C3orf20: variants seen among roughly 807,000 people sequenced by gnomAD.
C3orf20 encodes the protein uncharacterized protein C3orf20.
A neutral mutation model predicts 88.3 loss-of-function variants in C3orf20; 76 were observed. The ratio of observed to expected loss-of-function variants is 0.86; its 90% CI spans 0.72 to 1.04. C3orf20 has a LOEUF of 1.04. Among genes scored for constraint, C3orf20 ranks in the 50% least tolerant of loss-of-function variants. C3orf20 has a pLI of 0.00. For synonymous variants in C3orf20, 436 were observed against 437.4 expected (o/e 1.00, Z 0.04); for missense variants, 1,056 against 1,123.3 (o/e 0.94, Z 0.86).
At position 14,772,905 on chromosome 3, in the gene C3orf20, G is replaced by A; in HGVS notation, c.*30G>A. Reference sequence around the variant, plus strand: ...ATCCTGGCAGCAGCCAAGTGAGCCAGGCCCCGGCCCGGGGTGCTGGGGCTT... The same window carrying A: ...ATCCTGGCAGCAGCCAAGTGAGCCAAGCCCCGGCCCGGGGTGCTGGGGCTT... On this transcript the variant is annotated 3_prime_UTR_variant, in exon 17 of 17. Transcript: ENST00000253697. The surrounding 1 kb of genome is among the most constrained non-coding windows in gnomAD (Gnocchi z 4.2). The A allele has an allele frequency of 6.3e-7, 1 of 1,586,046 alleles. No homozygotes were observed. Among genetic ancestry groups the A allele is most frequent in the Non-Finnish European group, 8.7e-7 (1 of 1,155,582 alleles).
chr3:14,682,547 G>T, intron 2 of C3orf20, 31 bp from the exon 3 acceptor site: 1 of 907,712 alleles, frequency 1.1e-6, no homozygotes, highest in East Asian at 2.4e-5. Context: ...TGGGGAGAGT[G>T]ACTAACTCTT....
intron 12 of C3orf20, among the ~76,000 whole-genome samples, chr3:14,739,042 C>T (rs1051629011): frequency 2.7e-5 from 4 of 150,638 alleles, no homozygotes; most frequent in South Asian, 2.1e-4. Flanking sequence ...CCACCTGCCT[C>T]GGCCTCCCAA....
chr3:14,761,693 G>T (rs571833201), intron 15 of C3orf20, 78 bp downstream of exon 15: 7 of 1,476,596 alleles, frequency 4.7e-6, no homozygotes, highest in Non-Finnish European at 5.6e-6. Context: ...GGCTGTGAAA[G>T]GGGAACTGAG....
At chr3:14,687,141 A>G (rs1172973108) in intron 4 of C3orf20, among the ~76,000 whole-genome samples, 1 of 152,224 alleles carries the variant, frequency 6.6e-6, no homozygotes, top group Non-Finnish European at 1.5e-5. Context: ...AAGCTCTTCA[A>G]TAATTTTGCA....
chr3:14,704,668 AG>A (rs2033425658), intron 7 of C3orf20, 50 bp downstream of exon 7: 1 of 1,593,642 alleles, frequency 6.3e-7, no homozygotes, highest in Non-Finnish European at 8.5e-7. Flanking sequence ...TCAACCCCAG[AG>A]AAGTCCAGGA....
At chr3:14,740,002 C>A (rs2034853458) in intron 12 of C3orf20, among the ~76,000 whole-genome samples, 1 of 152,214 alleles carries the variant, frequency 6.6e-6, no homozygotes, top group South Asian at 2.1e-4. Context: ...TTCTCCATAT[C>A]AGCAATAAGG....
At chr3:14,762,032 A>G (rs1402585356) in intron 15 of C3orf20, among the ~76,000 whole-genome samples, 1 of 152,064 alleles carries the variant, frequency 6.6e-6, no homozygotes, top group Non-Finnish European at 1.5e-5. Flanking sequence ...ACACCCTACC[A>G]CCACCTCATG....
chr3:14,679,915 G>T (rs1210762548), intron 1 of C3orf20, among the ~76,000 whole-genome samples: 2 of 152,186 alleles, frequency 1.3e-5, no homozygotes, highest in African/African-American at 2.4e-5. Context: ...CATATGAAAA[G>T]ATGCTTAGGG....
Position 14,701,537 on chromosome 3 carries a change from T to C in C3orf20, c.746-1593T>C, listed in dbSNP as rs1228796316. Among the ~76,000 whole-genome samples the C allele has an allele frequency of 6.6e-6, 1 of 152,048 alleles. No homozygotes were observed. The highest frequency in any genetic ancestry group is 1.5e-5 in the Non-Finnish European group (1 of 68,006). ...ACATCCTCATACCACCTGACACCTA[T>C]CATGGAGGACAGCTGTGAAAATTAG... is the stretch of plus-strand genomic sequence containing the variant. On this transcript the variant is annotated intron_variant, in intron 5 of 16. Transcript: ENST00000253697. The surrounding 1 kb of genome is among the most constrained non-coding windows in gnomAD (Gnocchi z 4.6).
intron 12 of C3orf20, among the ~76,000 whole-genome samples, chr3:14,731,879 T>G (rs1284359288): frequency 6.6e-6 from 1 of 152,232 alleles, no homozygotes; most frequent in Non-Finnish European, 1.5e-5. Flanking sequence ...TGGGCAAAAT[T>G]TGTTTATCCA....
Position 14,701,430 on chromosome 3 carries a change from G to T in C3orf20, c.746-1700G>T, listed in dbSNP as rs941828657. On this transcript the variant is annotated intron_variant, in intron 5 of 16. Transcript: ENST00000253697. This position sits in a 1 kb window ranked among gnomAD's most constrained non-coding sequence, Gnocchi z 4.6. ...GCTGGGTGGGAGTCAGAGGTTCATT[G>T]TAGGTAGGACCTGACACAAATGACT... Among the ~76,000 whole-genome samples the T allele has an allele frequency of 2.0e-5, 3 of 151,836 alleles. No homozygotes were observed. Among genetic ancestry groups the T allele is most frequent in the Non-Finnish European group, 4.4e-5 (3 of 67,970 alleles).
At chr3:14,735,798 T>C (rs1460246551) in intron 12 of C3orf20, among the ~76,000 whole-genome samples, 1 of 152,150 alleles carries the variant, frequency 6.6e-6, no homozygotes, top group Non-Finnish European at 1.5e-5. Flanking sequence ...TTTCACCATG[T>C]TGGCCAGGCT....
intron 13 of C3orf20, among the ~76,000 whole-genome samples, chr3:14,758,352 G>T (rs1408580658): frequency 6.6e-6 from 1 of 152,202 alleles, no homozygotes; most frequent in African/African-American, 2.4e-5. Flanking sequence ...GGTCCCAGCT[G>T]GTTATGGCTG....
At chr3:14,750,037 A>G (rs908494540) in intron 12 of C3orf20, among the ~76,000 whole-genome samples, 1 of 152,008 alleles carries the variant, frequency 6.6e-6, no homozygotes, top group Non-Finnish European at 1.5e-5. Context: ...AAATATGACA[A>G]TACTTCTTTT....
intron 1 of C3orf20, among the ~76,000 whole-genome samples, chr3:14,681,519 C>T (rs934537909): frequency 1.3e-5 from 2 of 152,166 alleles, no homozygotes; most frequent in African/African-American, 4.8e-5. Context: ...AGGAACAACT[C>T]GCTGACTCTG....
chr3:14,697,015 C>T (rs2033033704), intron 5 of C3orf20, among the ~76,000 whole-genome samples: 1 of 152,158 alleles, frequency 6.6e-6, no homozygotes, highest in Non-Finnish European at 1.5e-5. Context: ...TGGCCTGCAA[C>T]ATTTCCACTG....
At chr3:14,723,474 G>A (rs1462482802) in intron 10 of C3orf20, among the ~76,000 whole-genome samples, 1 of 152,246 alleles carries the variant, frequency 6.6e-6, no homozygotes, top group Admixed American at 6.5e-5. Context: ...AAATAAAGAA[G>A]TCTCATTCCC....
At chr3:14,770,107 C>G (rs1269996531) in intron 15 of C3orf20, among the ~76,000 whole-genome samples, 1 of 152,176 alleles carries the variant, frequency 6.6e-6, no homozygotes, top group Non-Finnish European at 1.5e-5. Flanking sequence ...CCCTGCGTCT[C>G]CTGCCCTCCA....
chr3:14,760,145 A>G (rs1027337979), intron 14 of C3orf20, 147 bp downstream of exon 14: 2 of 687,870 alleles, frequency 2.9e-6, no homozygotes, highest in African/African-American at 1.8e-5. Flanking sequence ...GCTGAGGCCC[A>G]GAGAGCAGGA....
Sources: gnomAD v4.1 joint callset for allele counts (sites outside exome capture counted in the v4.1 genomes callset) on GRCh38, gnomAD v4.1.1 for gene constraint, Gnocchi (gnomAD v3.1) non-coding constraint, MANE v1.5 for transcripts, NCBI Gene and HGNC (gene_info 2026-07-23, HGNC 2026-07-21) for gene names.